SGCD: variants seen among roughly 807,000 people sequenced by gnomAD.
SGCD encodes sarcoglycan delta, also known as delta-sarcoglycan.
SGCD carries 18 observed loss-of-function variants against 36.6 expected under a neutral mutation model. The ratio of observed to expected loss-of-function variants is 0.49; its 90% CI spans 0.34 to 0.73. The LOEUF is 0.73. Ranked by LOEUF, SGCD falls within the 30% of genes least tolerant of loss-of-function variation. The pLI is 0.01. For synonymous variants in SGCD, 133 were observed against 130.6 expected, an observed-to-expected ratio of 1.02 and a Z score of -0.12; for missense variants, 387 against 346.7, an observed-to-expected ratio of 1.12 and a Z score of -0.92.
intron 6 of SGCD, among the ~76,000 whole-genome samples, chr5:156,642,742 C>T (rs10476478): frequency 6.6e-6 from 1 of 152,062 alleles, no homozygotes; most frequent in Non-Finnish European, 1.5e-5. Flanking sequence ...AATGGGATTA[C>T]AGGTGTGAGC....
chr5:156,454,193 A>G (rs1431645962), intron 3 of SGCD, among the ~76,000 whole-genome samples: 1 of 152,208 alleles, frequency 6.6e-6, no homozygotes, highest in African/African-American at 2.4e-5. Flanking sequence ...TTTGTTTCTC[A>G]ACTCCAAGAT....
chr5:156,390,590 T>A (rs10476373), intron 3 of SGCD, among the ~76,000 whole-genome samples: 6 of 151,860 alleles, frequency 4.0e-5, no homozygotes, highest in Non-Finnish European at 8.8e-5. Context: ...ATCAGCCGGG[T>A]GTGGTGGCAT....
At chr5:156,351,947 T>A (rs998101730) in intron 3 of SGCD, among the ~76,000 whole-genome samples, 1 of 151,882 alleles carries the variant, frequency 6.6e-6, no homozygotes, top group African/African-American at 2.4e-5. Flanking sequence ...ACATTGCCTT[T>A]CTCTTCTGGA....
At chr5:156,037,550 G>A (rs1368504658) in intron 1 of SGCD, among the ~76,000 whole-genome samples, 2 of 152,122 alleles carry the variant, frequency 1.3e-5, no homozygotes, top group Non-Finnish European at 2.9e-5. Flanking sequence ...ACTTATTTAG[G>A]ACACATAAAA....
chr5:155,963,929 T>A (rs1245959806), intron 1 of SGCD, among the ~76,000 whole-genome samples: 1 of 152,142 alleles, frequency 6.6e-6, no homozygotes, highest in Non-Finnish European at 1.5e-5. Flanking sequence ...TTGCAGATGT[T>A]GAGTTTTTGT....
intron 4 of SGCD, among the ~76,000 whole-genome samples, chr5:156,512,368 T>C (rs1756979551): frequency 6.6e-6 from 1 of 152,182 alleles, no homozygotes; most frequent in African/African-American, 2.4e-5. Context: ...TTTAGATAGA[T>C]ACTTCCCGCT....
intron 3 of SGCD, among the ~76,000 whole-genome samples, chr5:156,287,516 A>T (rs919452384): frequency 1.3e-5 from 2 of 152,072 alleles, no homozygotes; most frequent in African/African-American, 4.8e-5. Context: ...GGGTGGAAAG[A>T]AATAGGTGGT....
intron 3 of SGCD, among the ~76,000 whole-genome samples, chr5:156,403,070 A>T (rs1580935438): frequency 6.6e-6 from 1 of 152,204 alleles, no homozygotes; most frequent in East Asian, 1.9e-4. Flanking sequence ...TTTCAGAAAC[A>T]TTAAGGTTGA....
chr5:156,203,913 A>T (rs978952270), intron 3 of SGCD, among the ~76,000 whole-genome samples: 2 of 152,078 alleles, frequency 1.3e-5, no homozygotes, highest in Non-Finnish European at 2.9e-5. Flanking sequence ...AATTTTTCCA[A>T]GTTGGAAAAT....
intron 4 of SGCD, among the ~76,000 whole-genome samples, chr5:156,538,642 C>A (rs1163859975): frequency 6.6e-6 from 1 of 152,068 alleles, no homozygotes; most frequent in African/African-American, 2.4e-5. Flanking sequence ...AAAAAAGCCT[C>A]TCTGAGCTCT....
At chr5:156,415,811 T>C (rs1477977057) in intron 3 of SGCD, among the ~76,000 whole-genome samples, 2 of 152,170 alleles carry the variant, frequency 1.3e-5, no homozygotes, top group East Asian at 3.9e-4. Flanking sequence ...GGATTTCAAA[T>C]AGGGGTTAAA....
intron 3 of SGCD, among the ~76,000 whole-genome samples, chr5:156,389,523 C>A (rs1421692601): frequency 6.6e-6 from 1 of 152,162 alleles, no homozygotes; most frequent in Non-Finnish European, 1.5e-5. Context: ...CACCAGGGAT[C>A]GGTTTCATGG....
At chr5:156,231,503 T>TC (rs1765017745) in intron 3 of SGCD, among the ~76,000 whole-genome samples, 1 of 152,088 alleles carries the variant, frequency 6.6e-6, no homozygotes, top group African/African-American at 2.4e-5. Flanking sequence ...CCCACTGCAC[T>TC]CTATCCTGGG....
chr5:155,842,142 A>C, the SGCD span, among the ~76,000 whole-genome samples: 42 of 152,208 alleles, frequency 2.8e-4, no homozygotes, highest in Middle Eastern at 6.8e-3. Flanking sequence ...AGATGCCTGA[A>C]GGCAATATTT....
chr5:156,564,557 ACGCT>A (rs1411123208), intron 4 of SGCD, among the ~76,000 whole-genome samples: 1 of 152,208 alleles, frequency 6.6e-6, no homozygotes, highest in Non-Finnish European at 1.5e-5. Flanking sequence ...GGCATTAAGT[ACGCT>A]CAGTGTTCAA....
At chr5:156,645,476 G>A (rs551395142) in intron 6 of SGCD, among the ~76,000 whole-genome samples, 89 of 152,224 alleles carry the variant, frequency 5.8e-4, no homozygotes, top group African/African-American at 2.1e-3. Context: ...ATTGTTTTGA[G>A]AAGAAAGGTG....
intron 7 of SGCD, among the ~76,000 whole-genome samples, chr5:156,732,615 GTT>G (rs1756138456): frequency 6.6e-6 from 1 of 151,990 alleles, no homozygotes; most frequent in South Asian, 2.1e-4. Flanking sequence ...CATAGAATGA[GTT>G]AGGGCAGAGT....
At chr5:155,730,837 A>G in the SGCD span, among the ~76,000 whole-genome samples, 8 of 152,144 alleles carry the variant, frequency 5.3e-5, no homozygotes, top group African/African-American at 1.9e-4. Context: ...TCCAGCCCCA[A>G]TTTAGTTTCC....
chr5:156,071,733 T>G (rs1315861791), intron 1 of SGCD, among the ~76,000 whole-genome samples: 1 of 152,180 alleles, frequency 6.6e-6, no homozygotes, highest in Non-Finnish European at 1.5e-5. Flanking sequence ...CAGTGGGGTG[T>G]TAAAGTCTCC....
Sources: allele counts gnomAD v4.1 joint callset (sites outside exome capture counted in the v4.1 genomes callset), GRCh38; gene constraint gnomAD v4.1.1; transcripts MANE v1.5; gene names NCBI Gene and HGNC (gene_info 2026-07-23, HGNC 2026-07-21).